SIAH1: variants seen among roughly 807,000 people sequenced by gnomAD.
SIAH1 encodes the protein E3 ubiquitin-protein ligase SIAH1.
In SIAH1, 2 loss-of-function variants were observed where a neutral mutation model predicts 20.0. The observed-to-expected ratio is 0.10, with a 90% confidence interval of 0.04 to 0.31. The LOEUF is 0.31. SIAH1 is among the 10% of genes least tolerant of loss of function. The probability of loss-of-function intolerance (pLI) is 1.00; values close to 1 mark genes in which losing one functional copy is unlikely to be tolerated. For synonymous variants in SIAH1, 118 were observed against 125.3 expected, an observed-to-expected ratio of 0.94 and a Z score of 0.39; for missense variants, 119 against 355.3, an observed-to-expected ratio of 0.33 and a Z score of 5.35.
At chr16:48,384,942 A>AC (rs1173593292) in intron 1 of SIAH1, among the ~76,000 whole-genome samples, 10 of 139,272 alleles carry the variant, frequency 7.2e-5, no homozygotes, top group African/African-American at 2.6e-4. Flanking sequence ...CGCGGGGCCG[A>AC]CCCCCGCCGC....
chr16:48,365,287 C>T, intron 1 of SIAH1: 1 of 1,248,596 alleles, frequency 8.0e-7, no homozygotes, highest in Non-Finnish European at 1.1e-6. Context: ...TCGGAAACGT[C>T]TCGATTCTGC....
At chr16:48,366,122 C>A (rs1330553223) in intron 1 of SIAH1, among the ~76,000 whole-genome samples, 3 of 151,938 alleles carry the variant, frequency 2.0e-5, no homozygotes, top group Non-Finnish European at 2.9e-5. Context: ...CCCACCCCAG[C>A]GACATCGAAC....
chr16:48,374,292 A>G (rs1245334268), intron 1 of SIAH1, among the ~76,000 whole-genome samples: 1 of 152,194 alleles, frequency 6.6e-6, no homozygotes. Flanking sequence ...TATTTTTTGG[A>G]TGAATAAATA....
At position 48,361,533 on chromosome 16, in the gene SIAH1, T is replaced by C. The variant is rs746434222; in HGVS notation, c.*47A>G. ...AGACAGATGGGTGCCTTATTTTCTG[T>C]GAAACTGAAGTTTTAAACACTGGCC... On this transcript the variant is annotated 3_prime_UTR_variant, in exon 2 of 2. Coordinates refer to ENST00000394725, the MANE Select transcript of SIAH1 (RefSeq NM_003031.4). The C allele has an allele frequency of 6.3e-7, 1 of 1,590,614 alleles. No individual in the cohort carries two copies.
chr16:48,367,480 C>T (rs1195669937), intron 1 of SIAH1, among the ~76,000 whole-genome samples: 1 of 152,216 alleles, frequency 6.6e-6, no homozygotes, highest in Non-Finnish European at 1.5e-5. Context: ...ACCCCGGCTC[C>T]ACCAGTTGTT....
intron 1 of SIAH1, chr16:48,365,872 G>A: frequency 8.0e-7 from 1 of 1,243,012 alleles, no homozygotes; most frequent in Non-Finnish European, 1.0e-6. Context: ...CCCTGAGCCA[G>A]CTCAAGAGTT....
chr16:48,367,981 A>C (rs1960884639), intron 1 of SIAH1, among the ~76,000 whole-genome samples: 2 of 152,336 alleles, frequency 1.3e-5, no homozygotes, highest in Non-Finnish European at 1.5e-5. Flanking sequence ...ATCAGCCTTT[A>C]ATGTTGTCTT....
chr16:48,365,462 T>C (rs1374472749), intron 1 of SIAH1: 1 of 1,613,462 alleles, frequency 6.2e-7, no homozygotes, highest in Non-Finnish European at 8.5e-7. Context: ...GAAGGTGGAG[T>C]AGCCTTTCCC....
Position 48,360,611 on chromosome 16 carries a change from A to G in SIAH1, c.*969T>C, listed in dbSNP as rs1960545453. On this transcript the variant is annotated 3_prime_UTR_variant, in exon 2 of 2. Coordinates refer to ENST00000394725, the MANE Select transcript of SIAH1 (RefSeq NM_003031.4). ...TTTTTGCAAACTGCCTTTTTAAACA[A>G]ATGATTTGCTTTTAATTACAAATAC... 6.6e-6 allele frequency: 1 copy of G among 152,650 alleles called. No individual in the cohort carries two copies. Among genetic ancestry groups the G allele is most frequent in the Non-Finnish European group, 1.5e-5 (1 of 68,046 alleles). 9.5% of individuals were successfully genotyped at this position (152,650 alleles called of 1,614,324 possible). A position where few individuals can be genotyped will look rare whatever the true frequency, so the allele number is the denominator to read the frequency against.
chr16:48,372,257 T>C (rs1360512557), intron 1 of SIAH1, among the ~76,000 whole-genome samples: 1 of 152,172 alleles, frequency 6.6e-6, no homozygotes, highest in Non-Finnish European at 1.5e-5. Context: ...TGGAGCCTTA[T>C]TAAAATTCAA....
At position 48,361,236 on chromosome 16, in the gene SIAH1, C is replaced by A. The variant is rs1960576764; in HGVS notation, c.*344G>T. The A allele has an allele frequency of 7.6e-6, 2 of 262,892 alleles. No homozygotes were observed. The highest frequency in any genetic ancestry group is 8.1e-5 in the South Asian group (2 of 24,570). 16.3% of individuals were successfully genotyped at this position (262,892 alleles called of 1,614,324 possible). ...CCAAACACGCACACACCCACGCAGG[C>A]ACACACTCCCACGCAAAAACAAACT... On this transcript the variant is annotated 3_prime_UTR_variant, in exon 2 of 2. Coordinates refer to ENST00000394725, the MANE Select transcript of SIAH1 (RefSeq NM_003031.4).
chr16:48,379,752 T>C (rs1373438429), intron 1 of SIAH1, among the ~76,000 whole-genome samples: 2 of 152,154 alleles, frequency 1.3e-5, no homozygotes, highest in Non-Finnish European at 2.9e-5. Context: ...AGAGATGACA[T>C]CCAATTCAAT....
At chr16:48,380,928 C>CAA (rs59376248) in intron 1 of SIAH1, among the ~76,000 whole-genome samples, 15 of 44,956 alleles carry the variant, frequency 3.3e-4, no homozygotes, top group Non-Finnish European at 4.1e-4. Context: ...GACTCCGTCT[C>CAA]AAAAAAAAAA....
chr16:48,383,378 A>T (rs1961349364), intron 1 of SIAH1, among the ~76,000 whole-genome samples: 1 of 152,216 alleles, frequency 6.6e-6, no homozygotes, highest in Non-Finnish European at 1.5e-5. Flanking sequence ...GAGTCTCAAG[A>T]TCTACCAGTC....
chr16:48,381,486 A>G lies in SIAH1; in HGVS notation c.-3+3718T>C, dbSNP rs77581327. Among the ~76,000 whole-genome samples, 841 of 152,366 alleles carry G rather than the reference A, an allele frequency of 5.5e-3. 6 individuals carry two copies. The highest frequency in any genetic ancestry group is 0.019 in the African/African-American group (790 of 41,592). ...TACAGCAGCTTTATTCAGAATTGCC[A>G]AGACTTCGAAGCCAACCAAGACATC... On this transcript the variant is annotated intron_variant, in intron 1 of 1. Transcript: ENST00000394725.
chr16:48,385,449 T>TGCGGCGGCGGCCATGAGGAGGC (rs1555488885), upstream of SIAH1: 4 of 149,666 alleles, frequency 2.7e-5, no homozygotes, highest in African/African-American at 9.7e-5. Context: ...TACCACACAC[T>TGCGGCGGCGGCCATGAGGAGGC]GCGGCGGCGG....
chr16:48,365,419 CAT>C (rs1567369287), intron 1 of SIAH1: 1 of 1,613,936 alleles, frequency 6.2e-7, no homozygotes, highest in African/African-American at 1.3e-5. Context: ...CGCTGGTAAA[CAT>C]GTGAACAAGA....
intron 1 of SIAH1, among the ~76,000 whole-genome samples, chr16:48,379,741 CAG>C (rs1192253266): frequency 1.3e-5 from 2 of 152,122 alleles, no homozygotes; most frequent in Non-Finnish European, 2.9e-5. Context: ...TATGGGAACA[CAG>C]AGATGACATC....
intron 1 of SIAH1, among the ~76,000 whole-genome samples, chr16:48,378,714 C>G (rs917609732): frequency 1.3e-5 from 2 of 152,164 alleles, no homozygotes; most frequent in Non-Finnish European, 2.9e-5. Context: ...AGCATCTCTC[C>G]TCTCTTTCCC....
Sources: allele counts gnomAD v4.1 joint callset (sites outside exome capture counted in the v4.1 genomes callset), GRCh38; gene constraint gnomAD v4.1.1; transcripts MANE v1.5; gene names NCBI Gene and HGNC (gene_info 2026-07-23, HGNC 2026-07-21).